Variants in RASSF3 observed in about 807,000 individuals in gnomAD.
RASSF3 encodes ras association domain-containing protein 3.
Under a neutral mutation model 19.9 loss-of-function variants are expected in RASSF3, and 19 were observed. The ratio of observed to expected loss-of-function variants is 0.96; its 90% CI spans 0.67 to 1.40. The LOEUF (loss-of-function observed/expected upper bound fraction) is 1.40, where lower values mean the gene tolerates loss of function less well. RASSF3 is among the 40% of genes most tolerant of loss of function. The pLI, the probability that RASSF3 is intolerant of heterozygous loss-of-function variation, is 0.00. For missense variants in RASSF3, 306 were observed against 289.8 expected (o/e 1.06, Z -0.41); for synonymous variants, 110 against 104.2 (o/e 1.06, Z -0.34).
chr12:64,612,475 G>A (rs1273351511), intron 1 of RASSF3, among the ~76,000 whole-genome samples: 1 of 135,712 alleles, frequency 7.4e-6, no homozygotes, highest in African/African-American at 2.7e-5. Context: ...TGCATTTAGC[G>A]TTTCTTTTTT....
At chr12:64,651,725 C>T (rs139958061) in intron 1 of RASSF3, among the ~76,000 whole-genome samples, 41 of 152,082 alleles carry the variant, frequency 2.7e-4, no homozygotes, top group Non-Finnish European at 5.3e-4. Flanking sequence ...TGCAGGGGTG[C>T]AGTCACAGCT....
At chr12:64,637,876 G>T (rs1350637163) in intron 1 of RASSF3, among the ~76,000 whole-genome samples, 1 of 151,162 alleles carries the variant, frequency 6.6e-6, no homozygotes, top group East Asian at 2.0e-4. Flanking sequence ...TCTGTCGCCA[G>T]GCTGGAGTGC....
chr12:64,568,653 A>G (rs1055018889), intron 2 of RASSF3, among the ~76,000 whole-genome samples: 6 of 151,576 alleles, frequency 4.0e-5, no homozygotes, highest in African/African-American at 1.5e-4. Context: ...TTCCAGAGGT[A>G]TCTTCTTCTC....
At chr12:64,532,302 C>A (rs1412762827), upstream of RASSF3, among the ~76,000 whole-genome samples, 2 of 152,090 alleles carry the variant, frequency 1.3e-5, no homozygotes. Flanking sequence ...TTATAGTGGG[C>A]CTTTCCCTCC....
chr12:64,597,018 C>T (rs948131216), intron 2 of RASSF3, among the ~76,000 whole-genome samples: 8 of 152,174 alleles, frequency 5.3e-5, no homozygotes, highest in African/African-American at 1.9e-4. Context: ...CCACCCACTT[C>T]GGCCTCCTAC....
rs556959659 is a variant in RASSF3 at position 64,509,891 on chromosome 12, A to T, written c.169+2562A>T. Among the ~76,000 whole-genome samples the T allele has an allele frequency of 7.9e-5, 12 of 152,238 alleles. No individual in the cohort carries two copies. In the East Asian group the frequency reaches 1.7e-3, roughly 22 times the overall value. ...CGCTTGAGGTCAGGAGTTCAAGACC[A>T]GCCTGGCCACCGCGGTGAAACCCCA... On this transcript the variant is annotated intron_variant, in intron 1 of 5. Coordinates refer to the RASSF3 transcript ENST00000637125.
chr12:64,626,812 G>A (rs551277719), intron 1 of RASSF3, among the ~76,000 whole-genome samples: 1 of 152,292 alleles, frequency 6.6e-6, no homozygotes, highest in African/African-American at 2.4e-5. Flanking sequence ...TGATCCTCCT[G>A]CCTTGGCCTC....
At chr12:64,671,828 T>C (rs17100547) in intron 1 of RASSF3, among the ~76,000 whole-genome samples, 3,822 of 152,326 alleles carry the variant, frequency 0.025, 171 homozygotes, top group African/African-American at 0.088. Context: ...CATTCTTCAT[T>C]ATTTATTGCC....
chr12:64,519,724 A>T (rs1295353910), intron 1 of RASSF3, among the ~76,000 whole-genome samples: 3 of 151,974 alleles, frequency 2.0e-5, no homozygotes, highest in Non-Finnish European at 4.4e-5. Context: ...TTTTTTTATG[A>T]CTATGCTTAA....
chr12:64,682,183 A>C (rs1450453478), intron 1 of RASSF3, among the ~76,000 whole-genome samples: 1 of 152,184 alleles, frequency 6.6e-6, no homozygotes, highest in Non-Finnish European at 1.5e-5. Flanking sequence ...TAGGGAATGA[A>C]CACATTATCT....
intron 2 of RASSF3, among the ~76,000 whole-genome samples, chr12:64,602,010 G>A (rs1326004180): frequency 2.6e-5 from 4 of 151,396 alleles, no homozygotes; most frequent in African/African-American, 7.3e-5. Flanking sequence ...CCAACTACTC[G>A]GGAGGCTGAG....
intron 1 of RASSF3, among the ~76,000 whole-genome samples, chr12:64,522,916 G>A (rs1337590930): frequency 6.6e-6 from 1 of 152,116 alleles, no homozygotes; most frequent in Admixed American, 6.6e-5. Context: ...CCGGGCTGCT[G>A]GGACCCTTTG....
chr12:64,636,836 G>T (rs1186481972), intron 1 of RASSF3, among the ~76,000 whole-genome samples: 2 of 146,404 alleles, frequency 1.4e-5, no homozygotes, highest in Non-Finnish European at 3.0e-5. Flanking sequence ...TTGCACTCCA[G>T]CCTGGGCAAC....
At chr12:64,662,997 T>C (rs10506535) in intron 1 of RASSF3, among the ~76,000 whole-genome samples, 1,710 of 152,298 alleles carry the variant, frequency 0.011, 33 homozygotes, top group African/African-American at 0.04. Flanking sequence ...GCTATTAACA[T>C]ATATAATGTA....
At chr12:64,507,478 G>A (rs748875662) in intron 1 of RASSF3, 12 of 394,434 alleles carry the variant, frequency 3.0e-5, no homozygotes, top group Non-Finnish European at 4.9e-5. Context: ...TTGGTCATCT[G>A]GAGGGAAAAT....
intron 1 of RASSF3, among the ~76,000 whole-genome samples, chr12:64,511,320 A>G (rs559734036): frequency 6.6e-6 from 1 of 152,266 alleles, no homozygotes; most frequent in East Asian, 1.9e-4. Context: ...CGTCTCTACT[A>G]AAAATATAAA....
chr12:64,583,070 T>C (rs867400), intron 2 of RASSF3, among the ~76,000 whole-genome samples: 80,102 of 151,770 alleles, frequency 0.53, 21,531 homozygotes, highest in Non-Finnish European at 0.56. Flanking sequence ...TTCTCTCCCC[T>C]GGAGAGATCT....
At chr12:64,545,452 TATTTA>T (rs1463288914), downstream of RASSF3, among the ~76,000 whole-genome samples, 4 of 152,254 alleles carry the variant, frequency 2.6e-5, no homozygotes, top group Non-Finnish European at 4.4e-5. Flanking sequence ...AGTATTTTGA[TATTTA>T]ATTTATTTTA....
chr12:64,586,531 ATC>A (rs1869806328), intron 2 of RASSF3, among the ~76,000 whole-genome samples: 1 of 150,648 alleles, frequency 6.6e-6, no homozygotes, highest in African/African-American at 2.4e-5. Flanking sequence ...AAAAGTAAAA[ATC>A]CCCCATAAAT....
Sources: gnomAD v4.1 joint callset for allele counts (sites outside exome capture counted in the v4.1 genomes callset) on GRCh38, gnomAD v4.1.1 for gene constraint, MANE v1.5 for transcripts, NCBI Gene and HGNC (gene_info 2026-07-23, HGNC 2026-07-21) for gene names.